The following PKIB variants were observed in gnomAD, a reference collection of about 807,000 sequenced individuals.
PKIB encodes the protein PKI-beta.
A neutral mutation model predicts 4.5 loss-of-function variants in PKIB; 2 were observed. That is an observed-to-expected ratio of 0.44 (90% confidence interval 0.18 to 1.39). The LOEUF is 1.39. Among genes scored for constraint, PKIB ranks in the 40% most tolerant of loss-of-function variants. The pLI is 0.27. For missense variants in PKIB, 94 were observed against 92.6 expected, an observed-to-expected ratio of 1.02 and a Z score of -0.06; for synonymous variants, 38 against 36.0, an observed-to-expected ratio of 1.06 and a Z score of -0.20.
At chr6:122,624,411 C>A (rs146184578) in intron 1 of PKIB, among the ~76,000 whole-genome samples, 371 of 152,182 alleles carry the variant, frequency 2.4e-3, no homozygotes, top group African/African-American at 7.9e-3. Flanking sequence ...TCTTGTTTCT[C>A]TCCAGTATAA....
intron 2 of PKIB, among the ~76,000 whole-genome samples, chr6:122,539,346 G>T (rs1044415585): frequency 4.6e-5 from 7 of 151,950 alleles, no homozygotes; most frequent in African/African-American, 1.7e-4. Flanking sequence ...ATTATTTTGA[G>T]ATACGTCCCA....
chr6:122,631,380 G>A (rs910356654), intron 1 of PKIB, among the ~76,000 whole-genome samples: 5 of 152,088 alleles, frequency 3.3e-5, no homozygotes, highest in Non-Finnish European at 5.9e-5. Context: ...ATATATTACA[G>A]TGTAATTCCT....
At chr6:122,692,645 T>C (rs538529444) in intron 3 of PKIB, among the ~76,000 whole-genome samples, 3 of 114,424 alleles carry the variant, frequency 2.6e-5, no homozygotes, top group Non-Finnish European at 4.3e-5. Flanking sequence ...AGGCCTAGAA[T>C]TGGGGCCTCA....
At position 122,717,842 on chromosome 6, in the gene PKIB, C is replaced by T; in HGVS notation, c.48C>T (p.Ala16=). 1 of 1,614,060 alleles carries T rather than the reference C, an allele frequency of 6.2e-7. No homozygotes were observed. The change falls in exon 4 of 5, where the codon GCC becomes GCT. Residue 16 remains alanine, a synonymous_variant. Transcript: ENST00000368452. ...TGACTGACGTGGAGTCTGGGGTCGC[C>T]AATTTTGCATCTTCAGCAAGGGCAG... ...SKMTDVESGV[A]NFASSARAGR...
chr6:122,566,346 C>T (rs1180600618), intron 2 of PKIB, among the ~76,000 whole-genome samples: 1 of 151,942 alleles, frequency 6.6e-6, no homozygotes, highest in African/African-American at 2.4e-5. Flanking sequence ...CCTTTCTGAG[C>T]CTAGTTTTGT....
chr6:122,594,379 G>T (rs1774109960), intron 3 of PKIB, among the ~76,000 whole-genome samples: 1 of 151,934 alleles, frequency 6.6e-6, no homozygotes, highest in African/African-American at 2.4e-5. Flanking sequence ...GCTAATTTTT[G>T]TATTTTTAGT....
At chr6:122,673,878 G>C (rs1777562222) in intron 2 of PKIB, among the ~76,000 whole-genome samples, 1 of 152,174 alleles carries the variant, frequency 6.6e-6, no homozygotes, top group South Asian at 2.1e-4. Context: ...ATCTATACCA[G>C]AGTGTTTTAG....
chr6:122,725,422 G>A lies in PKIB; in HGVS notation c.*227G>A, dbSNP rs1779917857. ...ACTTCCAAATCGCACTGAAGGAAAA[G>A]GTTAAGAATAATACATGATCACAGA... On this transcript the variant is annotated 3_prime_UTR_variant, in exon 5 of 5. Coordinates refer to ENST00000368452, the MANE Select transcript of PKIB (RefSeq NM_181795.3). The A allele has an allele frequency of 1.6e-5, 8 of 495,070 alleles. No individual in the cohort carries two copies. The South Asian group carries it at 2.1e-4, about 13-fold the overall frequency. 30.7% of individuals were successfully genotyped at this position (495,070 alleles called of 1,614,324 possible).
intron 2 of PKIB, among the ~76,000 whole-genome samples, chr6:122,539,871 T>A (rs1482625408): frequency 2.0e-5 from 3 of 152,090 alleles, no homozygotes; most frequent in Non-Finnish European, 4.4e-5. Context: ...CTGTTATTGG[T>A]CTATTCAGAG....
chr6:122,707,329 G>T (rs1463549239), intron 3 of PKIB, among the ~76,000 whole-genome samples: 2 of 151,850 alleles, frequency 1.3e-5, no homozygotes, highest in East Asian at 1.9e-4. Context: ...AGATAACTTA[G>T]AAAACAAATC....
intron 2 of PKIB, among the ~76,000 whole-genome samples, chr6:122,635,604 T>A (rs1775889643): frequency 6.6e-6 from 1 of 150,896 alleles, no homozygotes. Flanking sequence ...AAAAATTCAT[T>A]GAAATACTAG....
intron 2 of PKIB, chr6:122,643,572 G>A (rs1468711679): frequency 6.6e-6 from 1 of 152,074 alleles, no homozygotes; most frequent in Admixed American, 6.6e-5. Flanking sequence ...TAAAATAATG[G>A]TAATTTGAAT....
chr6:122,488,058 T>TA (rs1775820386), intron 2 of PKIB, among the ~76,000 whole-genome samples: 1 of 152,182 alleles, frequency 6.6e-6, no homozygotes, highest in African/African-American at 2.4e-5. Context: ...TGTTCCTCAG[T>TA]AATTATTTAC....
intron 4 of PKIB, among the ~76,000 whole-genome samples, chr6:122,724,163 G>A (rs2115098201): frequency 6.6e-6 from 1 of 152,302 alleles, no homozygotes; most frequent in South Asian, 2.1e-4. Context: ...GATAGTATGT[G>A]GAAGACTTAC....
At chr6:122,677,864 T>G (rs1279790458) in intron 3 of PKIB, among the ~76,000 whole-genome samples, 1 of 111,912 alleles carries the variant, frequency 8.9e-6, no homozygotes, top group Non-Finnish European at 1.9e-5. Flanking sequence ...CCTTCCTTCC[T>G]TCCTTCCTTC....
intron 2 of PKIB, among the ~76,000 whole-genome samples, chr6:122,665,821 C>G (rs1777201433): frequency 1.3e-5 from 2 of 152,186 alleles, no homozygotes; most frequent in Admixed American, 1.3e-4. Context: ...ACCCCCTAAC[C>G]TGACACCTCA....
intron 2 of PKIB, among the ~76,000 whole-genome samples, chr6:122,637,042 A>G (rs1011789161): frequency 2.6e-5 from 4 of 152,210 alleles, no homozygotes; most frequent in African/African-American, 9.6e-5. Flanking sequence ...TATTTATACA[A>G]TATACAAATA....
Position 122,703,530 on chromosome 6 carries a change from T to C in PKIB, c.-8-14257T>C, listed in dbSNP as rs1778918273. Among the ~76,000 whole-genome samples the C allele has an allele frequency of 2.6e-5, 4 of 152,032 alleles. No individual in the cohort carries two copies. In the East Asian group the frequency reaches 7.7e-4, roughly 29 times the overall value. ...TATAAATGACTAAGTAATAAGATAC[T>C]GTAATACAATGAACTAAACTTGAAA... On this transcript the variant is annotated intron_variant, in intron 3 of 4. Transcript: ENST00000368452.
At chr6:122,665,231 C>T (rs1435835722) in intron 2 of PKIB, among the ~76,000 whole-genome samples, 1 of 152,154 alleles carries the variant, frequency 6.6e-6, no homozygotes, top group Non-Finnish European at 1.5e-5. Context: ...ACATTTCAAC[C>T]TTTGTCTATT....
Sources: gnomAD v4.1 joint callset for allele counts (sites outside exome capture counted in the v4.1 genomes callset) on GRCh38, gnomAD v4.1.1 for gene constraint, MANE v1.5 for transcripts, NCBI Gene and HGNC (gene_info 2026-07-23, HGNC 2026-07-21) for gene names.